PTPRQ: variants seen among roughly 807,000 people sequenced by gnomAD.
PTPRQ encodes protein tyrosine phosphatase receptor type Q.
A neutral mutation model predicts 246.0 loss-of-function variants in PTPRQ; 199 were observed. The ratio of observed to expected loss-of-function variants is 0.81; its 90% CI spans 0.72 to 0.91. The LOEUF (loss-of-function observed/expected upper bound fraction) is 0.91, where lower values mean the gene tolerates loss of function less well. Among genes scored for constraint, PTPRQ ranks in the 40% least tolerant of loss-of-function variants. PTPRQ has a pLI of 0.00. For missense variants in PTPRQ, 2,624 were observed against 2,528.4 expected (o/e 1.04, Z -0.81); for synonymous variants, 869 against 853.2 (o/e 1.02, Z -0.32).
chr12:80,677,293 T>G (rs1210332656), intron 43 of PTPRQ, among the ~76,000 whole-genome samples: 1 of 152,184 alleles, frequency 6.6e-6, no homozygotes, highest in Non-Finnish European at 1.5e-5. Flanking sequence ...GAAAACACAC[T>G]CTTGGAATTA....
intron 14 of PTPRQ, among the ~76,000 whole-genome samples, chr12:80,500,737 T>C (rs983138545): frequency 1.2e-4 from 19 of 152,168 alleles, no homozygotes; most frequent in African/African-American, 4.3e-4. Context: ...TTCCATATTA[T>C]GTTCTACCAC....
At chr12:80,645,803 TGA>T (rs1229392857) in intron 35 of PTPRQ, among the ~76,000 whole-genome samples, 11 of 151,978 alleles carry the variant, frequency 7.2e-5, no homozygotes, top group Admixed American at 7.2e-4. Context: ...GGTATAAAAT[TGA>T]GAGGGAGGGA....
At chr12:80,659,297 T>C (rs1417845282) in intron 39 of PTPRQ, among the ~76,000 whole-genome samples, 1 of 152,088 alleles carries the variant, frequency 6.6e-6, no homozygotes, top group East Asian at 1.9e-4. Flanking sequence ...GGTGAAATCT[T>C]ATGCTTACAA....
Position 80,510,332 on chromosome 12 carries a change from C to G in PTPRQ, c.2567C>G (p.Ser856Cys). The G allele has an allele frequency of 6.5e-7, 1 of 1,544,640 alleles. No homozygotes were observed. Among genetic ancestry groups the G allele is most frequent in the South Asian group, 1.2e-5 (1 of 82,494 alleles). ...SILTEEDAPD[S>C]PPQDFSVKQL... ...TACCCTAACTTTACAGCTCCTGATT[C>G]TCCCCCTCAAGACTTCTCTGTAAAA... Residue 856 changes from serine (S) to cysteine (C), a missense_variant, in exon 17 of 45, where the codon TCT (serine) becomes TGT (cysteine). Ser to Cys is a moderately radical substitution (Grantham distance 112). Coordinates refer to ENST00000644991, the MANE Select transcript of PTPRQ (RefSeq NM_001145026.2).
In PTPRQ at chr12:80,478,829, A is replaced by C. The variant is rs987872910; in HGVS notation, c.1187-5604A>C. On this transcript the variant is annotated intron_variant, in intron 8 of 44. Transcript: ENST00000644991. The stretch of plus-strand genomic sequence containing the variant: ...AGCGAGAAGGGAAGTTTAGAGAAAA[A>C]TGAATAAAAAGAAATGAGCAAAGCC... 2.6e-5 allele frequency among the ~76,000 whole-genome samples: 4 copies of C among 152,312 alleles called. 1 individual carries two copies. The highest frequency in any genetic ancestry group is 2.6e-4 in the Admixed American group (4 of 15,302).
At chr12:80,601,496 C>T (rs1898142263) in intron 26 of PTPRQ, among the ~76,000 whole-genome samples, 1 of 151,792 alleles carries the variant, frequency 6.6e-6, no homozygotes, top group African/African-American at 2.4e-5. Context: ...TCAATGAATG[C>T]ATAAATTTAT....
intron 19 of PTPRQ, among the ~76,000 whole-genome samples, chr12:80,538,057 C>T (rs1447692818): frequency 2.0e-5 from 3 of 151,824 alleles, no homozygotes; most frequent in African/African-American, 4.8e-5. Context: ...TGCAGTGAGC[C>T]GAGATCGTGC....
chr12:80,537,805 T>A (rs1446502999), intron 19 of PTPRQ, among the ~76,000 whole-genome samples: 1 of 152,196 alleles, frequency 6.6e-6, no homozygotes, highest in Non-Finnish European at 1.5e-5. Flanking sequence ...CATAATGTCT[T>A]CTATTTTAAA....
intron 25 of PTPRQ, chr12:80,586,509 C>A (rs1897623955): frequency 6.6e-6 from 1 of 151,740 alleles, no homozygotes; most frequent in African/African-American, 2.4e-5. Flanking sequence ...GGATCTAGAA[C>A]TGGAAATACC....
intron 9 of PTPRQ, among the ~76,000 whole-genome samples, chr12:80,490,030 A>T (rs1894396829): frequency 6.8e-6 from 1 of 146,772 alleles, no homozygotes; most frequent in Non-Finnish European, 1.5e-5. Context: ...GCTAGGAATG[A>T]GGCTGAGGAC....
chr12:80,497,897 A>C (rs1478118732), intron 14 of PTPRQ, among the ~76,000 whole-genome samples: 2 of 152,100 alleles, frequency 1.3e-5, no homozygotes, highest in Non-Finnish European at 2.9e-5. Context: ...GCCAGATACT[A>C]TATACGAATT....
chr12:80,519,789 T>G (rs1895414693), intron 17 of PTPRQ, among the ~76,000 whole-genome samples: 1 of 152,178 alleles, frequency 6.6e-6, no homozygotes, highest in South Asian at 2.1e-4. Flanking sequence ...ACAGCCTCTG[T>G]AAATTAGCCA....
chr12:80,558,103 C>CTTCTCT (rs1896698293), intron 25 of PTPRQ, among the ~76,000 whole-genome samples: 1 of 98,024 alleles, frequency 1.0e-5, no homozygotes, highest in Admixed American at 9.8e-5. Context: ...TCCCTCCTTT[C>CTTCTCT]TTCTTTCTTT....
intron 8 of PTPRQ, among the ~76,000 whole-genome samples, chr12:80,477,796 C>T (rs887510291): frequency 4.6e-5 from 7 of 152,126 alleles, no homozygotes; most frequent in Non-Finnish European, 7.4e-5. Flanking sequence ...CGGGTCACTC[C>T]GACCCGAATA....
At chr12:80,590,277 T>C (rs1897749538) in intron 26 of PTPRQ, among the ~76,000 whole-genome samples, 1 of 152,140 alleles carries the variant, frequency 6.6e-6, no homozygotes, top group African/African-American at 2.4e-5. Flanking sequence ...AGTACAACTC[T>C]TCATTACTGC....
chr12:80,540,035 C>T (rs558513370), intron 20 of PTPRQ, 91 bp downstream of exon 20: 2 of 1,130,110 alleles, frequency 1.8e-6, no homozygotes, highest in Non-Finnish European at 1.2e-6. Context: ...TTTGTAATAA[C>T]ATCTTTTATT....
intron 3 of PTPRQ, among the ~76,000 whole-genome samples, chr12:80,452,867 T>C (rs1892818242): frequency 6.6e-6 from 1 of 152,104 alleles, no homozygotes; most frequent in Non-Finnish European, 1.5e-5. Flanking sequence ...TCTCGAGGAG[T>C]ATCTTTGTAG....
chr12:80,507,484 A>G (rs1236797871), intron 16 of PTPRQ, among the ~76,000 whole-genome samples: 1 of 151,868 alleles, frequency 6.6e-6, no homozygotes, highest in Non-Finnish European at 1.5e-5. Context: ...AAGCTAGGCC[A>G]TAGCCTGTGA....
intron 39 of PTPRQ, among the ~76,000 whole-genome samples, chr12:80,668,105 A>G (rs1230709694): frequency 6.6e-6 from 1 of 151,974 alleles, no homozygotes; most frequent in Non-Finnish European, 1.5e-5. Flanking sequence ...AAAAAAGTAA[A>G]TGTTACCTTT....
Sources: gnomAD v4.1 joint callset for allele counts (sites outside exome capture counted in the v4.1 genomes callset) on GRCh38, gnomAD v4.1.1 for gene constraint, MANE v1.5 for transcripts, NCBI Gene and HGNC (gene_info 2026-07-23, HGNC 2026-07-21) for gene names.